Variants in GRIN2B observed in about 807,000 individuals in gnomAD.
GRIN2B encodes the protein glutamate receptor ionotropic, NMDA 2B.
Under a neutral mutation model 114.5 loss-of-function variants are expected in GRIN2B, and 5 were observed. That is an observed-to-expected ratio of 0.04 (90% CI 0.02 to 0.09). The LOEUF (loss-of-function observed/expected upper bound fraction) is 0.09, where lower values mean the gene tolerates loss of function less well. GRIN2B is among the 10% of genes least tolerant of loss of function. The probability of loss-of-function intolerance (pLI) is 1.00; values close to 1 mark genes in which losing one functional copy is unlikely to be tolerated. For missense variants in GRIN2B, 1,108 were observed against 1,943.5 expected (o/e 0.57, Z 8.08); for synonymous variants, 787 against 745.1 (o/e 1.06, Z -0.92).
chr12:13,941,890 C>T (rs766519265), intron 2 of GRIN2B, among the ~76,000 whole-genome samples: 6 of 152,210 alleles, frequency 3.9e-5, no homozygotes, highest in African/African-American at 7.2e-5. Flanking sequence ...GCTCCCGCAG[C>T]GCAGTGTCTG....
intron 3 of GRIN2B, among the ~76,000 whole-genome samples, chr12:13,814,674 A>G (rs1359784750): frequency 6.6e-6 from 1 of 152,230 alleles, no homozygotes; most frequent in African/African-American, 2.4e-5. Context: ...TCCAGTGATG[A>G]TAGAAATGTT....
intron 2 of GRIN2B, among the ~76,000 whole-genome samples, chr12:13,888,867 A>G (rs2136774184): frequency 6.6e-6 from 1 of 152,188 alleles, no homozygotes; most frequent in Non-Finnish European, 1.5e-5. Flanking sequence ...TGAGTGAGTC[A>G]GGGAGTGAAT....
chr12:13,612,979 T>C (rs1019059083), intron 8 of GRIN2B, among the ~76,000 whole-genome samples: 1 of 152,252 alleles, frequency 6.6e-6, no homozygotes, highest in African/African-American at 2.4e-5. Context: ...TATTTCTTAC[T>C]CTGAAACCTA....
rs553008212 is a variant in GRIN2B at position 13,547,006 on chromosome 12, C to T, written c.*15777G>A. 3 of 152,182 alleles carry T rather than the reference C, an allele frequency of 2.0e-5. No individual in the cohort carries two copies. Among genetic ancestry groups the T allele is most frequent in the African/African-American group, 7.2e-5 (3 of 41,532 alleles). The allele number at this position is 152,182 out of a possible 1,614,324, so 9.4% of individuals were successfully genotyped here. ...GCACTCAGGAACAAGACCTCATTTG[C>T]CTGCTTGTCATTCTTTCTCCAACTT... On this transcript the variant is annotated 3_prime_UTR_variant, in exon 14 of 14. Transcript: ENST00000609686.
At chr12:13,919,371 C>A (rs1433102295) in intron 2 of GRIN2B, among the ~76,000 whole-genome samples, 5 of 152,134 alleles carry the variant, frequency 3.3e-5, no homozygotes, top group African/African-American at 1.2e-4. Flanking sequence ...ATAATGATTC[C>A]AGTGAAACAC....
At chr12:13,942,004 G>T (rs542173696) in intron 2 of GRIN2B, among the ~76,000 whole-genome samples, 7 of 152,324 alleles carry the variant, frequency 4.6e-5, no homozygotes, top group East Asian at 1.9e-4. Flanking sequence ...GTTCAAGTTT[G>T]TGTGCCCCAT....
intron 4 of GRIN2B, among the ~76,000 whole-genome samples, chr12:13,742,523 C>T (rs1282508515): frequency 6.6e-6 from 1 of 152,132 alleles, no homozygotes; most frequent in African/African-American, 2.4e-5. Context: ...CTCCACCTCC[C>T]AGGTTCAAGT....
chr12:13,607,400 AATATATAAAATATATAATATATATTAT>A (rs1949291558), intron 10 of GRIN2B, among the ~76,000 whole-genome samples: 1 of 58,334 alleles, frequency 1.7e-5, no homozygotes, highest in Non-Finnish European at 2.9e-5. Flanking sequence ...TATTATATAT[AATATATAAAATATATAATATATATTAT>A]ATATAATATA....
At chr12:13,787,348 G>A (rs1002832758) in intron 3 of GRIN2B, among the ~76,000 whole-genome samples, 3 of 152,188 alleles carry the variant, frequency 2.0e-5, no homozygotes, top group African/African-American at 4.8e-5. Flanking sequence ...GAAAGGAAAT[G>A]GCAAGTACAA....
At chr12:13,944,569 T>A (rs1210222536) in intron 2 of GRIN2B, among the ~76,000 whole-genome samples, 1 of 152,200 alleles carries the variant, frequency 6.6e-6, no homozygotes, top group Non-Finnish European at 1.5e-5. Flanking sequence ...TTATTCAGCA[T>A]CTTTGTATTT....
At chr12:13,699,271 A>G (rs1183057810) in intron 4 of GRIN2B, among the ~76,000 whole-genome samples, 2 of 152,170 alleles carry the variant, frequency 1.3e-5, no homozygotes, top group African/African-American at 2.4e-5. Flanking sequence ...CCTGCAGTGC[A>G]TTGTTGTGCT....
intron 3 of GRIN2B, among the ~76,000 whole-genome samples, chr12:13,811,664 A>G (rs186835842): frequency 6.6e-5 from 10 of 152,330 alleles, no homozygotes; most frequent in Admixed American, 4.6e-4. Flanking sequence ...TCTGGACTCT[A>G]TTACTTACCT....
intron 2 of GRIN2B, among the ~76,000 whole-genome samples, chr12:13,916,225 T>C (rs1388662002): frequency 1.3e-5 from 2 of 152,160 alleles, no homozygotes; most frequent in Non-Finnish European, 1.5e-5. Flanking sequence ...CTTAACAATA[T>C]TTTTTGCATT....
intron 4 of GRIN2B, among the ~76,000 whole-genome samples, chr12:13,684,440 C>T (rs1404422997): frequency 6.6e-6 from 1 of 152,140 alleles, no homozygotes; most frequent in Non-Finnish European, 1.5e-5. Context: ...TCATTTAGCT[C>T]TACGCACAGA....
At chr12:13,924,758 C>G (rs995129282) in intron 2 of GRIN2B, among the ~76,000 whole-genome samples, 4 of 152,202 alleles carry the variant, frequency 2.6e-5, no homozygotes, top group Non-Finnish European at 5.9e-5. Context: ...ACCATGGCAA[C>G]TTTTCACGTA....
intron 5 of GRIN2B, among the ~76,000 whole-genome samples, chr12:13,669,896 C>G (rs76497675): frequency 6.6e-6 from 1 of 152,080 alleles, no homozygotes; most frequent in African/African-American, 2.4e-5. Context: ...GATCACAGAG[C>G]CCCCACACCC....
In GRIN2B at chr12:13,627,104, G is replaced by A. The variant is rs186252092; in HGVS notation, c.1126-10447C>T. On this transcript the variant is annotated intron_variant, in intron 5 of 13. Transcript: ENST00000609686. Reference sequence around the variant, plus strand: ...CAGAAGCCCTGGGCAGCCATGTTTTGTAGCCTATGGAGAAACTGACCTATG... The same window carrying A: ...CAGAAGCCCTGGGCAGCCATGTTTTATAGCCTATGGAGAAACTGACCTATG... 2.0e-5 allele frequency among the ~76,000 whole-genome samples: 3 copies of A among 152,170 alleles called. No individual in the cohort carries two copies. In the East Asian group the frequency reaches 5.8e-4, roughly 30 times the overall value.
chr12:13,877,798 C>G (rs985337940), intron 2 of GRIN2B, among the ~76,000 whole-genome samples: 1 of 152,136 alleles, frequency 6.6e-6, no homozygotes, highest in African/African-American at 2.4e-5. Flanking sequence ...CGCAGTGGCT[C>G]ACACCCATAA....
At chr12:13,933,441 C>A (rs1342391471) in intron 2 of GRIN2B, among the ~76,000 whole-genome samples, 1 of 152,130 alleles carries the variant, frequency 6.6e-6, no homozygotes, top group Non-Finnish European at 1.5e-5. Flanking sequence ...AGCTAATAAG[C>A]CATTGAATCA....
Sources: gnomAD v4.1 joint callset for allele counts (sites outside exome capture counted in the v4.1 genomes callset) on GRCh38, gnomAD v4.1.1 for gene constraint, MANE v1.5 for transcripts, NCBI Gene and HGNC (gene_info 2026-07-23, HGNC 2026-07-21) for gene names.